Variants in EML6 observed in about 807,000 individuals in gnomAD.
EML6 encodes the protein EMAP like 6, also known as echinoderm microtubule-associated protein-like 6.
EML6 carries 154 observed loss-of-function variants against 240.1 expected under a neutral mutation model. The observed-to-expected ratio is 0.64, with a 90% CI of 0.56 to 0.73. EML6 has a LOEUF of 0.73. EML6 is among the 30% of genes least tolerant of loss of function. EML6 has a pLI of 0.00. For missense variants in EML6, 2,964 were observed against 2,474.6 expected, an observed-to-expected ratio of 1.20 and a Z score of -4.20; for synonymous variants, 1,148 against 899.0, an observed-to-expected ratio of 1.28 and a Z score of -4.95.
In EML6 at chr2:54,835,014, C is replaced by T. The variant is rs1035131736; in HGVS notation, c.847+5537C>T. On this transcript the variant is annotated intron_variant, in intron 7 of 41. Transcript: ENST00000356458. Reference sequence around the variant, plus strand: ...ATGGCAGCCACCACCCTCCGCATTGCGCTGCTTCGCCCTGGCTGCTCCTTC... The same window carrying T: ...ATGGCAGCCACCACCCTCCGCATTGTGCTGCTTCGCCCTGGCTGCTCCTTC... Among the ~76,000 whole-genome samples, 5 of 152,178 alleles carry T rather than the reference C, an allele frequency of 3.3e-5. 1 individual carries two copies. Among genetic ancestry groups the T allele is most frequent in the Non-Finnish European group, 2.9e-5 (2 of 68,028 alleles).
intron 17 of EML6, among the ~76,000 whole-genome samples, chr2:54,884,279 C>T (rs1349381807): frequency 6.6e-6 from 1 of 152,166 alleles, no homozygotes; most frequent in African/African-American, 2.4e-5. Context: ...TAGGAAGGGG[C>T]ACAGAGCTTC....
At chr2:54,906,674 G>C (rs545380286) in intron 24 of EML6, among the ~76,000 whole-genome samples, 1 of 152,260 alleles carries the variant, frequency 6.6e-6, no homozygotes, top group East Asian at 1.9e-4. Context: ...TGATTTTTAG[G>C]GAGGAATTAC....
At chr2:54,764,297 C>T (rs750397926) in intron 2 of EML6, among the ~76,000 whole-genome samples, 60 of 152,172 alleles carry the variant, frequency 3.9e-4, no homozygotes, top group Admixed American at 6.5e-4. Flanking sequence ...ATTAGTTACA[C>T]GTTATGAAGT....
intron 29 of EML6, among the ~76,000 whole-genome samples, chr2:54,949,374 C>T (rs1350471562): frequency 6.6e-6 from 1 of 152,276 alleles, no homozygotes; most frequent in East Asian, 1.9e-4. Flanking sequence ...TCCATAGCCA[C>T]GAAGCGTTTC....
intron 22 of EML6, among the ~76,000 whole-genome samples, chr2:54,901,348 A>G (rs1305393415): frequency 6.6e-6 from 1 of 152,192 alleles, no homozygotes; most frequent in Non-Finnish European, 1.5e-5. Flanking sequence ...TGGAGGCAGG[A>G]TTTCCCAAAT....
intron 24 of EML6, among the ~76,000 whole-genome samples, chr2:54,905,611 T>A (rs138294270): frequency 4.5e-4 from 68 of 152,336 alleles, no homozygotes; most frequent in African/African-American, 1.6e-3. Flanking sequence ...ACATTGACAC[T>A]GTTGTGCAAC....
At chr2:54,828,759 A>T (rs1232583535) in intron 6 of EML6, among the ~76,000 whole-genome samples, 1 of 152,236 alleles carries the variant, frequency 6.6e-6, no homozygotes, top group Non-Finnish European at 1.5e-5. Flanking sequence ...CAAACCAAAT[A>T]AAGTATTTTC....
intron 10 of EML6, among the ~76,000 whole-genome samples, chr2:54,852,745 AG>A (rs1390126617): frequency 2.6e-5 from 4 of 152,244 alleles, no homozygotes; most frequent in Admixed American, 6.5e-5. Context: ...GTATTATATA[AG>A]GGCATTTATT....
chr2:54,801,951 G>A (rs1457909977), intron 2 of EML6, among the ~76,000 whole-genome samples: 1 of 152,178 alleles, frequency 6.6e-6, no homozygotes, highest in African/African-American at 2.4e-5. Context: ...TGGAGAGTTC[G>A]TGACAGGAAT....
intron 6 of EML6, among the ~76,000 whole-genome samples, chr2:54,829,081 AT>A (rs1668735835): frequency 6.6e-6 from 1 of 152,194 alleles, no homozygotes; most frequent in Admixed American, 6.5e-5. Context: ...ATATTTTTGA[AT>A]TTTTTTAAAC....
At chr2:54,966,552 G>A (rs538160568) in intron 38 of EML6, among the ~76,000 whole-genome samples, 17 of 152,316 alleles carry the variant, frequency 1.1e-4, no homozygotes, top group Non-Finnish European at 8.8e-5. Flanking sequence ...TGAGAAACCT[G>A]CCTTACCTCT....
At chr2:54,796,978 G>T (rs185303381) in intron 2 of EML6, among the ~76,000 whole-genome samples, 92 of 151,646 alleles carry the variant, frequency 6.1e-4, no homozygotes, top group African/African-American at 1.5e-3. Context: ...ACTGGCTAAC[G>T]TGGTGAAACC....
At chr2:54,931,943 C>G (rs917923016) in intron 28 of EML6, among the ~76,000 whole-genome samples, 1 of 152,200 alleles carries the variant, frequency 6.6e-6, no homozygotes, top group Non-Finnish European at 1.5e-5. Context: ...TTTGAAGCAA[C>G]TGAATTCCTA....
At chr2:54,819,389 C>G (rs1668222117) in intron 4 of EML6, among the ~76,000 whole-genome samples, 1 of 152,164 alleles carries the variant, frequency 6.6e-6, no homozygotes, top group Non-Finnish European at 1.5e-5. Context: ...TAAGCAATTG[C>G]TATGGGCAAT....
chr2:54,863,378 G>C (rs543841162), intron 12 of EML6, among the ~76,000 whole-genome samples: 10 of 152,258 alleles, frequency 6.6e-5, no homozygotes, highest in South Asian at 6.2e-4. Context: ...AAATTAACTG[G>C]GCATGGTGGT....
chr2:54,782,240 C>T (rs924375953), intron 2 of EML6, among the ~76,000 whole-genome samples: 1 of 152,118 alleles, frequency 6.6e-6, no homozygotes, highest in Non-Finnish European at 1.5e-5. Flanking sequence ...TTGATTAGTT[C>T]TTTTCCCTGA....
At chr2:54,845,867 G>A (rs897045095) in intron 8 of EML6, among the ~76,000 whole-genome samples, 2 of 152,152 alleles carry the variant, frequency 1.3e-5, no homozygotes, top group Non-Finnish European at 2.9e-5. Flanking sequence ...TTGTCTGTCT[G>A]TTGCAGAGCT....
intron 2 of EML6, among the ~76,000 whole-genome samples, chr2:54,780,821 G>A (rs1174099408): frequency 6.6e-6 from 1 of 152,182 alleles, no homozygotes; most frequent in Non-Finnish European, 1.5e-5. Flanking sequence ...ATAATGATTT[G>A]AATTATGTGA....
intron 26 of EML6, among the ~76,000 whole-genome samples, chr2:54,919,818 G>A (rs961482451): frequency 1.3e-5 from 2 of 152,170 alleles, no homozygotes; most frequent in Non-Finnish European, 2.9e-5. Flanking sequence ...GTGTTCCTCA[G>A]ACCAGAGTTC....
Sources: gnomAD v4.1 joint callset for allele counts (sites outside exome capture counted in the v4.1 genomes callset) on GRCh38, gnomAD v4.1.1 for gene constraint, MANE v1.5 for transcripts, NCBI Gene and HGNC (gene_info 2026-07-23, HGNC 2026-07-21) for gene names.